ZC3H11A: variants seen among roughly 807,000 people sequenced by gnomAD.
The protein encoded by ZC3H11A is zinc finger CCCH-type containing 11A, also known as zinc finger CCCH domain-containing protein 11A.
In ZC3H11A, 22 loss-of-function variants were observed where a neutral mutation model predicts 90.8. That is an observed-to-expected ratio of 0.24 (90% confidence interval 0.17 to 0.35). The LOEUF is 0.35. Ranked by LOEUF, ZC3H11A falls within the 10% of genes least tolerant of loss-of-function variation. The pLI is 1.00. For synonymous variants in ZC3H11A, 294 were observed against 339.8 expected (o/e 0.87, Z 1.48); for missense variants, 701 against 964.9 (o/e 0.73, Z 3.62).
chr1:203,813,478 A>T (rs1000485729), intron 2 of ZC3H11A, among the ~76,000 whole-genome samples: 1 of 152,024 alleles, frequency 6.6e-6, no homozygotes, highest in Non-Finnish European at 1.5e-5. Flanking sequence ...GTCTAAAATT[A>T]TTTTTTTATA....
chr1:203,847,092 G>T, intron 12 of ZC3H11A, 92 bp from the exon 13 acceptor site: 1 of 1,360,800 alleles, frequency 7.3e-7, no homozygotes, highest in Non-Finnish European at 1.0e-6. Flanking sequence ...ATAGCTCTCT[G>T]TTGGACTGTC....
chr1:203,843,529 G>C (rs1223342340), intron 12 of ZC3H11A, among the ~76,000 whole-genome samples: 1 of 152,014 alleles, frequency 6.6e-6, no homozygotes, highest in Non-Finnish European at 1.5e-5. Context: ...TTTTTTTCCT[G>C]TAAAGGGTCG....
chr1:203,849,573 A>G lies in ZC3H11A; in HGVS notation c.1624-138A>G, dbSNP rs1421619665. Reference sequence around the variant, plus strand: ...ATCTTTAACAGGGTATTGTCTATTTAACATCAAATAAAGAGCTTTTCTCTC... The same window carrying G: ...ATCTTTAACAGGGTATTGTCTATTTGACATCAAATAAAGAGCTTTTCTCTC... On this transcript the variant is annotated intron_variant, in intron 14 of 17. Coordinates refer to ENST00000367210, the MANE Select transcript of ZC3H11A (RefSeq NM_001376342.1). 10 of 818,228 alleles carry G rather than the reference A, an allele frequency of 1.2e-5. 1 individual carries two copies. The allele number at this position is 818,228 out of a possible 1,614,324, so 50.7% of individuals were successfully genotyped here. A position where few individuals can be genotyped will look rare whatever the true frequency, so the allele number is the denominator to read the frequency against.
chr1:203,831,805 C>A, intron 9 of ZC3H11A, 34 bp downstream of exon 9: 1 of 1,538,610 alleles, frequency 6.5e-7, no homozygotes, highest in Non-Finnish European at 8.9e-7. Flanking sequence ...GTTGTCAAGC[C>A]TCTACTTTTA....
At chr1:203,817,712 T>A (rs1163148861) in intron 3 of ZC3H11A, among the ~76,000 whole-genome samples, 1 of 152,042 alleles carries the variant, frequency 6.6e-6, no homozygotes, top group Non-Finnish European at 1.5e-5. Flanking sequence ...TCTATAAACG[T>A]ATATGTTAAA....
chr1:203,820,482 G>GTGTGTGTGTGTA (rs1266406820), intron 4 of ZC3H11A, among the ~76,000 whole-genome samples: 1 of 151,852 alleles, frequency 6.6e-6, no homozygotes, highest in East Asian at 1.9e-4. Context: ...GTGTGTGTGT[G>GTGTGTGTGTGTA]TATATTTTGA....
At chr1:203,834,333 G>C (rs1430539163) in intron 10 of ZC3H11A, among the ~76,000 whole-genome samples, 2 of 152,106 alleles carry the variant, frequency 1.3e-5, no homozygotes. Flanking sequence ...GTGCAGTGGT[G>C]CAATCTCAGC....
intron 3 of ZC3H11A, among the ~76,000 whole-genome samples, chr1:203,818,054 G>A (rs1676962182): frequency 6.6e-6 from 1 of 152,022 alleles, no homozygotes; most frequent in Non-Finnish European, 1.5e-5. Context: ...GTGATATTAT[G>A]TTTTAAATGA....
intron 1 of ZC3H11A, chr1:203,798,948 C>G (rs1449858384): frequency 6.5e-7 from 1 of 1,536,040 alleles, no homozygotes; most frequent in Admixed American, 2.0e-5. Context: ...AGAGAATGTT[C>G]AAAGCCAAAA....
rs1688490184 is a variant in ZC3H11A, at chr1:203,848,555, C to T, written c.1623+148C>T. On this transcript the variant is annotated intron_variant, in intron 14 of 17. Coordinates refer to ENST00000367210, the MANE Select transcript of ZC3H11A (RefSeq NM_001376342.1). Reference sequence around the variant, plus strand: ...TACTTATAATTTCTTATGAGAATTTCCTGTAGTTCTATGTATATCAGTATT... The same window carrying T: ...TACTTATAATTTCTTATGAGAATTTTCTGTAGTTCTATGTATATCAGTATT... 6.0e-6 allele frequency: 4 copies of T among 665,196 alleles called. No individual in the cohort carries two copies. The Admixed American group carries it at 1.3e-4, about 22-fold the overall frequency. The allele number at this position is 665,196 out of a possible 1,614,324, so 41.2% of individuals were successfully genotyped here.
chr1:203,810,409 A>G (rs183368844), intron 2 of ZC3H11A, among the ~76,000 whole-genome samples: 93 of 147,604 alleles, frequency 6.3e-4, no homozygotes, highest in Middle Eastern at 3.6e-3. Context: ...CTTGTTTTAC[A>G]TTGTAGCTGT....
intron 12 of ZC3H11A, among the ~76,000 whole-genome samples, chr1:203,841,835 T>TCCC (rs1406767763): frequency 5.1e-5 from 7 of 137,966 alleles, no homozygotes; most frequent in Non-Finnish European, 9.6e-5. Flanking sequence ...GGCTCCTCAC[T>TCCC]TCGCAGACGG....
chr1:203,831,624 A>G (rs1341288558), intron 8 of ZC3H11A, 37 bp from the exon 9 acceptor site: 3 of 1,568,162 alleles, frequency 1.9e-6, no homozygotes, highest in South Asian at 1.1e-5. Flanking sequence ...ATTATTTTCC[A>G]TAAATTATTT....
intron 1 of ZC3H11A, chr1:203,796,024 C>T: frequency 7.5e-6 from 1 of 132,838 alleles, no homozygotes; most frequent in African/African-American, 2.8e-5. Flanking sequence ...TTCCCATCCT[C>T]CCCACCCCCA....
At chr1:203,833,111 T>C (rs1682942663) in intron 9 of ZC3H11A, among the ~76,000 whole-genome samples, 1 of 152,156 alleles carries the variant, frequency 6.6e-6, no homozygotes, top group Non-Finnish European at 1.5e-5. Flanking sequence ...GGCTCACGCC[T>C]GTAATCCCGG....
chr1:203,840,763 AGCTAGAAT>A (rs933935181), intron 12 of ZC3H11A, among the ~76,000 whole-genome samples: 1 of 151,874 alleles, frequency 6.6e-6, no homozygotes, highest in African/African-American at 2.4e-5. Flanking sequence ...CCTACCGAGT[AGCTAGAAT>A]TACAGGCGTA....
chr1:203,852,088 C>G, intron 17 of ZC3H11A, 53 bp from the exon 18 acceptor site: 1 of 1,596,028 alleles, frequency 6.3e-7, no homozygotes. Context: ...CTAGGTGATT[C>G]AGCCAACTAT....
At chr1:203,832,386 A>G (rs1682675855) in intron 9 of ZC3H11A, among the ~76,000 whole-genome samples, 2 of 149,176 alleles carry the variant, frequency 1.3e-5, no homozygotes, top group African/African-American at 5.0e-5. Context: ...TTTTAGATGG[A>G]GTCTTGCTCT....
chr1:203,850,971 A>G, intron 16 of ZC3H11A, 86 bp from the exon 17 acceptor site: 1 of 1,485,696 alleles, frequency 6.7e-7, no homozygotes, highest in South Asian at 1.2e-5. Flanking sequence ...CATAGCCACA[A>G]TTCTAAGAAG....
Sources: gnomAD v4.1 joint callset for allele counts (sites outside exome capture counted in the v4.1 genomes callset) on GRCh38, gnomAD v4.1.1 for gene constraint, MANE v1.5 for transcripts, NCBI Gene and HGNC (gene_info 2026-07-23, HGNC 2026-07-21) for gene names.